Variants in RARS2 observed in about 807,000 individuals in gnomAD.
RARS2 encodes the protein arginyl-tRNA synthetase 2, mitochondrial.
RARS2 carries 67 observed loss-of-function variants against 88.5 expected under a neutral mutation model. That is an observed-to-expected ratio of 0.76 (90% confidence interval 0.62 to 0.93). The LOEUF (loss-of-function observed/expected upper bound fraction) is 0.93, where lower values mean the gene tolerates loss of function less well. RARS2 is among the 40% of genes least tolerant of loss of function. The probability of loss-of-function intolerance (pLI) is 0.00; values close to 1 mark genes in which losing one functional copy is unlikely to be tolerated. For synonymous variants in RARS2, 239 were observed against 230.3 expected (o/e 1.04, Z -0.34); for missense variants, 664 against 684.2 (o/e 0.97, Z 0.33).
chr6:87,564,030 C>T, intron 3 of RARS2, 100 bp downstream of exon 3: 2 of 854,990 alleles, frequency 2.3e-6, no homozygotes, highest in Middle Eastern at 3.0e-4. Flanking sequence ...CTCAAAGAAA[C>T]ACTATTAAAT....
At chr6:87,520,818 A>C (rs1168881532) in intron 12 of RARS2, among the ~76,000 whole-genome samples, 3 of 152,220 alleles carry the variant, frequency 2.0e-5, no homozygotes, top group African/African-American at 7.2e-5. Context: ...GCTGAAGAAC[A>C]GAGCACTGGC....
chr6:87,554,849 C>T (rs1785317343), intron 5 of RARS2, among the ~76,000 whole-genome samples: 1 of 151,958 alleles, frequency 6.6e-6, no homozygotes, highest in Non-Finnish European at 1.5e-5. Context: ...GCCTGTAATC[C>T]CAGCACTTTT....
chr6:87,531,119 C>A (rs1582403335), intron 8 of RARS2, among the ~76,000 whole-genome samples, 177 bp from the exon 9 acceptor site: 1 of 152,066 alleles, frequency 6.6e-6, no homozygotes, highest in Non-Finnish European at 1.5e-5. Flanking sequence ...AGCATATAGA[C>A]CCCTTCTCAA....
intron 4 of RARS2, among the ~76,000 whole-genome samples, chr6:87,558,133 C>G (rs139779762): frequency 2.0e-5 from 3 of 151,344 alleles, no homozygotes; most frequent in Admixed American, 2.0e-4. Flanking sequence ...GCCAAGATCA[C>G]GCCATTGCAC....
At chr6:87,571,552 G>A (rs968009337) in intron 1 of RARS2, among the ~76,000 whole-genome samples, 2 of 152,032 alleles carry the variant, frequency 1.3e-5, no homozygotes, top group Non-Finnish European at 1.5e-5. Context: ...TACTCATATA[G>A]CCTCTGCAAA....
chr6:87,560,181 A>T (rs1787399806), intron 4 of RARS2, among the ~76,000 whole-genome samples: 1 of 152,250 alleles, frequency 6.6e-6, no homozygotes, highest in Admixed American at 6.5e-5. Flanking sequence ...CATTTAATCA[A>T]GTCTGTTTTA....
intron 8 of RARS2, 66 bp downstream of exon 8, chr6:87,541,852 T>G (rs374385061): frequency 2.4e-6 from 3 of 1,248,488 alleles, no homozygotes. Context: ...CCTCTGGGAT[T>G]AAAAACATGT....
At chr6:87,544,766 A>T (rs1782096258) in intron 7 of RARS2, among the ~76,000 whole-genome samples, 1 of 151,158 alleles carries the variant, frequency 6.6e-6, no homozygotes, top group South Asian at 2.1e-4. Context: ...GGTAGTACTT[A>T]ACTGTTTGGA....
chr6:87,539,398 A>G (rs540734708), intron 8 of RARS2, among the ~76,000 whole-genome samples: 1 of 152,376 alleles, frequency 6.6e-6, no homozygotes, highest in South Asian at 2.1e-4. Flanking sequence ...GCCGTAATAA[A>G]GAAATCAATA....
At chr6:87,528,280 G>A (rs1322195775) in intron 10 of RARS2, among the ~76,000 whole-genome samples, 1 of 150,892 alleles carries the variant, frequency 6.6e-6, no homozygotes, top group Non-Finnish European at 1.5e-5. Flanking sequence ...TGGCAATGAT[G>A]TGGATAAAAG....
At chr6:87,568,060 C>T (rs1047590001) in intron 2 of RARS2, among the ~76,000 whole-genome samples, 2 of 152,184 alleles carry the variant, frequency 1.3e-5, no homozygotes, top group African/African-American at 2.4e-5. Flanking sequence ...CGTGAGCCAC[C>T]GTGCCCGGCC....
chr6:87,588,576 T>C (rs1185388503), intron 1 of RARS2, among the ~76,000 whole-genome samples: 4 of 152,266 alleles, frequency 2.6e-5, no homozygotes, highest in African/African-American at 4.8e-5. Flanking sequence ...GGTCTACCTA[T>C]GTTGTCCACG....
At position 87,519,627 on chromosome 6, in the gene RARS2, T is replaced by C; in HGVS notation, c.1193A>G (p.Asn398Ser). The change falls in exon 14 of 20, where the codon AAT (asparagine) becomes AGT (serine). Residue 398 changes from asparagine to serine, a missense_variant. Transcript: ENST00000369536. ...CTGTAGCATCCTTAATTGAATCTCA[T>C]TTAAAACATCTTCCAGGAAAGTGAC... is the stretch of plus-strand genomic sequence containing the variant. ...GDVTFLEDVL[N>S]EIQLRMLQNM... is the part of the protein sequence containing the mutation. The C allele has an allele frequency of 6.2e-7, 1 of 1,612,182 alleles. No individual in the cohort carries two copies. Among genetic ancestry groups the C allele is most frequent in the Non-Finnish European group, 8.5e-7 (1 of 1,178,220 alleles).
chr6:87,540,462 A>C (rs1238824383), intron 8 of RARS2, among the ~76,000 whole-genome samples: 2 of 151,746 alleles, frequency 1.3e-5, no homozygotes, highest in African/African-American at 2.4e-5. Context: ...AAAAAAAAAA[A>C]AAAAAAAACT....
chr6:87,514,603 C>T lies in RARS2; in HGVS notation c.1651-104G>A, dbSNP rs905377114. On this transcript the variant is annotated intron_variant, in intron 19 of 19. Transcript: ENST00000369536. ...TATTCTTTCTAGTTTAAAGCAGGAACAATATGTCAAAGTGCCCTAGAGTTA... is the reference window on the plus strand; with the variant it reads ...TATTCTTTCTAGTTTAAAGCAGGAATAATATGTCAAAGTGCCCTAGAGTTA... 1.5e-5 allele frequency: 16 copies of T among 1,033,708 alleles called. No homozygotes were observed. In the African/African-American group the frequency reaches 2.5e-4, roughly 16 times the overall value. 64.0% of individuals were successfully genotyped at this position (1,033,708 alleles called of 1,614,324 possible). A position where few individuals can be genotyped will look rare whatever the true frequency, so the allele number is the denominator to read the frequency against.
Position 87,514,420 on chromosome 6 carries a change from C to T in RARS2, c.1730G>A (p.Arg577Lys). 6.2e-7 allele frequency: 1 copy of T among 1,600,936 alleles called. No homozygotes were observed. ...MKLLGITPVC[R>K]M ...AAGCCATTTTAATGGAAATTACATC[C>T]TACATACAGGTGTTATTCCAAGAAG... is the stretch of plus-strand genomic sequence containing the variant. The change falls in exon 20 of 20, where the codon AGG becomes AAG. Residue 577 changes from arginine to lysine, a missense_variant. Transcript: ENST00000369536.
intron 1 of RARS2, among the ~76,000 whole-genome samples, chr6:87,577,046 G>C (rs1002516297): frequency 1.3e-5 from 2 of 152,158 alleles, no homozygotes; most frequent in Admixed American, 6.5e-5. Flanking sequence ...TGAATTAATT[G>C]ACAACACAGG....
Position 87,585,732 on chromosome 6 carries a change from A to AAAATAAATAAAT in RARS2, c.36+4178_36+4189dup, listed in dbSNP as rs59852322. Among the ~76,000 whole-genome samples, 230 of 151,088 alleles carry AAAATAAATAAAT rather than the reference A, an allele frequency of 1.5e-3. 2 individuals carry two copies. The highest frequency in any genetic ancestry group is 4.8e-3 in the African/African-American group (195 of 40,956). On this transcript the variant is annotated intron_variant, in intron 1 of 19. Coordinates refer to ENST00000369536, the MANE Select transcript of RARS2 (RefSeq NM_020320.5). The stretch of plus-strand genomic sequence containing the variant: ...GGACGACTGAGCAAGACTCCATCTC[A>AAAATAAATAAAT]AAATAAATAAATAAATAAATAAAAA...
chr6:87,514,504 A>G lies in RARS2; in HGVS notation c.1651-5T>C, dbSNP rs1770883112. 1.3e-6 allele frequency: 2 copies of G among 1,598,556 alleles called. No individual in the cohort carries two copies. The highest frequency in any genetic ancestry group is 2.2e-5 in the South Asian group (2 of 90,744). ...TTTGAAAAGATGAAGTCTGGCCTAC[A>G]AAATAAATCAAAGAATGATTTAAAA... is the stretch of plus-strand genomic sequence containing the variant. On this transcript the variant is annotated splice_polypyrimidine_tract_variant and splice_region_variant and intron_variant, in intron 19 of 19. Coordinates refer to ENST00000369536, the MANE Select transcript of RARS2 (RefSeq NM_020320.5).
Sources: gnomAD v4.1 joint callset for allele counts (sites outside exome capture counted in the v4.1 genomes callset) on GRCh38, gnomAD v4.1.1 for gene constraint, MANE v1.5 for transcripts, NCBI Gene and HGNC (gene_info 2026-07-23, HGNC 2026-07-21) for gene names.